Variants in GRID1 observed in about 807,000 individuals in gnomAD.
GRID1 encodes the protein glutamate ionotropic receptor delta type subunit 1.
In GRID1, 28 loss-of-function variants were observed where a neutral mutation model predicts 98.0. The observed-to-expected ratio is 0.29, with a 90% CI of 0.21 to 0.39. The LOEUF is 0.39. Among genes scored for constraint, GRID1 ranks in the 10% least tolerant of loss-of-function variants. GRID1 has a pLI of 1.00. For synonymous variants in GRID1, 553 were observed against 538.5 expected (o/e 1.03, Z -0.37); for missense variants, 1,111 against 1,340.5 (o/e 0.83, Z 2.67).
intron 4 of GRID1, among the ~76,000 whole-genome samples, chr10:86,085,299 G>T (rs1392100922): frequency 6.6e-6 from 1 of 152,192 alleles, no homozygotes; most frequent in Non-Finnish European, 1.5e-5. Flanking sequence ...GCCCACAGGG[G>T]CTCTGCCCTG....
At chr10:86,247,640 G>C (rs1846753224) in intron 2 of GRID1, among the ~76,000 whole-genome samples, 1 of 152,184 alleles carries the variant, frequency 6.6e-6, no homozygotes, top group Non-Finnish European at 1.5e-5. Context: ...ACCCCTAAAA[G>C]TTTTTTCAAA....
In GRID1 at chr10:86,204,603, G is replaced by T. The variant is rs573984240; in HGVS notation, c.520+1761C>A. Among the ~76,000 whole-genome samples the T allele has an allele frequency of 2.0e-5, 3 of 152,358 alleles. No individual in the cohort carries two copies. The East Asian group carries it at 5.8e-4, about 29-fold the overall frequency. On this transcript the variant is annotated intron_variant, in intron 3 of 15. Coordinates refer to ENST00000327946, the MANE Select transcript of GRID1 (RefSeq NM_017551.3). ...ACTTGGGCAAGTGCCACCAGGCCTT[G>T]TTCAGTCTGCAGGAGTCACAGGAGC...
intron 8 of GRID1, among the ~76,000 whole-genome samples, chr10:85,818,389 T>C (rs1362293270): frequency 6.6e-6 from 1 of 152,224 alleles, no homozygotes; most frequent in Non-Finnish European, 1.5e-5. Flanking sequence ...TGTGCATACA[T>C]GAGTTAATAC....
intron 2 of GRID1, among the ~76,000 whole-genome samples, chr10:86,243,806 C>T (rs955352673): frequency 4.6e-5 from 7 of 152,174 alleles, no homozygotes; most frequent in African/African-American, 7.2e-5. Flanking sequence ...TCCATTCACC[C>T]GCAGCCCCCA....
chr10:85,772,884 T>C (rs933733410), intron 8 of GRID1, among the ~76,000 whole-genome samples: 3 of 152,164 alleles, frequency 2.0e-5, no homozygotes, highest in Non-Finnish European at 4.4e-5. Flanking sequence ...AGCCGAATTC[T>C]ACCACAGGTA....
chr10:85,620,173 C>T (rs926877861), intron 13 of GRID1, 140 bp from the exon 14 acceptor site: 7 of 663,928 alleles, frequency 1.1e-5, no homozygotes, highest in South Asian at 7.5e-5. Context: ...AGCAACTCTG[C>T]TACTGTTTTC....
intron 15 of GRID1, chr10:85,607,080 A>G (rs1213634097): frequency 5.3e-5 from 8 of 152,202 alleles, no homozygotes; most frequent in Admixed American, 3.9e-4. Context: ...CTCATCCCAT[A>G]TTAAACATGA....
intron 8 of GRID1, among the ~76,000 whole-genome samples, chr10:85,770,444 C>T (rs1280044111): frequency 6.6e-6 from 1 of 152,176 alleles, no homozygotes; most frequent in South Asian, 2.1e-4. Context: ...GAATGCAGCT[C>T]CTCATGAGCA....
intron 3 of GRID1, among the ~76,000 whole-genome samples, chr10:86,181,266 C>T (rs900180233): frequency 7.9e-5 from 12 of 152,316 alleles, no homozygotes; most frequent in Admixed American, 2.0e-4. Flanking sequence ...ATCAGGCTGG[C>T]GGTGCAGGGC....
At chr10:85,674,695 T>G (rs1487918107) in intron 12 of GRID1, among the ~76,000 whole-genome samples, 1 of 151,668 alleles carries the variant, frequency 6.6e-6, no homozygotes, top group African/African-American at 2.4e-5. Context: ...CAAGAGAAGT[T>G]AAGAGTGAAA....
At chr10:86,340,168 A>G (rs927095485) in intron 2 of GRID1, among the ~76,000 whole-genome samples, 1 of 152,132 alleles carries the variant, frequency 6.6e-6, no homozygotes, top group Non-Finnish European at 1.5e-5. Flanking sequence ...TGGAAAGCCC[A>G]GGAGTTGCTG....
At chr10:86,225,595 C>A (rs895880645) in intron 2 of GRID1, among the ~76,000 whole-genome samples, 52 of 152,270 alleles carry the variant, frequency 3.4e-4, no homozygotes, top group African/African-American at 1.3e-3. Context: ...TCCAGCCCCA[C>A]CTAGACATGA....
intron 12 of GRID1, among the ~76,000 whole-genome samples, chr10:85,654,973 A>G (rs540619084): frequency 6.6e-6 from 1 of 152,340 alleles, no homozygotes; most frequent in South Asian, 2.1e-4. Context: ...TGATGAGGTC[A>G]AATAACTGTG....
chr10:85,645,032 A>G (rs1242497015), intron 13 of GRID1, among the ~76,000 whole-genome samples: 1 of 152,202 alleles, frequency 6.6e-6, no homozygotes, highest in Non-Finnish European at 1.5e-5. Context: ...TATTCTTGAC[A>G]GTAATCTTGC....
intron 8 of GRID1, among the ~76,000 whole-genome samples, chr10:85,770,694 C>T (rs1185449425): frequency 3.3e-5 from 5 of 152,018 alleles, no homozygotes; most frequent in Non-Finnish European, 5.9e-5. Flanking sequence ...GCCTCGGGAG[C>T]CGATGCGATC....
At chr10:86,166,068 C>T (rs1486903563) in intron 3 of GRID1, among the ~76,000 whole-genome samples, 14 of 152,194 alleles carry the variant, frequency 9.2e-5, no homozygotes, top group African/African-American at 1.4e-4. Flanking sequence ...GCCTCCATCA[C>T]GTGCGTTCTG....
chr10:86,119,472 T>G (rs1844634263), intron 4 of GRID1, among the ~76,000 whole-genome samples: 1 of 152,172 alleles, frequency 6.6e-6, no homozygotes, highest in Non-Finnish European at 1.5e-5. Context: ...GAAAACTGGG[T>G]GTGGGGTATA....
intron 8 of GRID1, among the ~76,000 whole-genome samples, chr10:85,777,754 T>C (rs997792083): frequency 1.3e-5 from 2 of 152,194 alleles, no homozygotes; most frequent in African/African-American, 4.8e-5. Context: ...GTTTTCGCAG[T>C]GAAAGTCCTA....
intron 12 of GRID1, among the ~76,000 whole-genome samples, chr10:85,698,719 T>C (rs1487618493): frequency 1.3e-5 from 2 of 152,250 alleles, no homozygotes; most frequent in African/African-American, 2.4e-5. Context: ...AACTGTATGC[T>C]GTGTTTTGTA....
Sources: gnomAD v4.1 joint callset for allele counts (sites outside exome capture counted in the v4.1 genomes callset) on GRCh38, gnomAD v4.1.1 for gene constraint, MANE v1.5 for transcripts, NCBI Gene and HGNC (gene_info 2026-07-23, HGNC 2026-07-21) for gene names.